Variants in TRPM3 observed in about 807,000 individuals in gnomAD.
TRPM3 encodes the protein transient receptor potential cation channel subfamily M member 3.
TRPM3 carries 77 observed loss-of-function variants against 181.2 expected under a neutral mutation model. The ratio of observed to expected loss-of-function variants is 0.42; its 90% CI spans 0.35 to 0.51. TRPM3 has a LOEUF of 0.51. Ranked by LOEUF, TRPM3 falls within the 20% of genes least tolerant of loss-of-function variation. The pLI is 0.01. For synonymous variants in TRPM3, 745 were observed against 796.4 expected, an observed-to-expected ratio of 0.94 and a Z score of 1.09; for missense variants, 1,759 against 2,196.7, an observed-to-expected ratio of 0.80 and a Z score of 3.98.
At position 71,008,071 on chromosome 9, in the gene TRPM3, T is replaced by C. The variant is rs925763000; in HGVS notation, c.177+113107A>G. On this transcript the variant is annotated intron_variant, in intron 1 of 25. Coordinates refer to ENST00000677713, the MANE Select transcript of TRPM3 (RefSeq NM_001366145.2). Reference sequence around the variant, plus strand: ...GAAAGAAGACACAAATAAATAAAACTAGAGATGAAGGAGACATTACAACTG... The same window carrying C: ...GAAAGAAGACACAAATAAATAAAACCAGAGATGAAGGAGACATTACAACTG... Among the ~76,000 whole-genome samples the C allele has an allele frequency of 8.6e-4, 130 of 151,786 alleles. 1 individual carries two copies. Among genetic ancestry groups the C allele is most frequent in the Non-Finnish European group, 3.1e-4 (21 of 67,886 alleles).
At chr9:70,790,325 A>G (rs1053158969) in intron 6 of TRPM3, among the ~76,000 whole-genome samples, 1 of 152,190 alleles carries the variant, frequency 6.6e-6, no homozygotes, top group Non-Finnish European at 1.5e-5. Context: ...TCACTTAAAA[A>G]GGGGATTTGC....
chr9:71,357,297 T>C (rs2091942424), intron 1 of TRPM3, among the ~76,000 whole-genome samples: 1 of 152,204 alleles, frequency 6.6e-6, no homozygotes, highest in Non-Finnish European at 1.5e-5. Context: ...TGTACAATTT[T>C]ATGTCAATTA....
At chr9:71,335,525 C>G (rs2090490842) in intron 1 of TRPM3, among the ~76,000 whole-genome samples, 1 of 152,016 alleles carries the variant, frequency 6.6e-6, no homozygotes, top group Non-Finnish European at 1.5e-5. Context: ...TGAGCATCTC[C>G]TCATCACTGA....
intron 18 of TRPM3, among the ~76,000 whole-genome samples, chr9:70,611,243 G>A (rs1295700706): frequency 6.6e-6 from 1 of 152,184 alleles, no homozygotes; most frequent in African/African-American, 2.4e-5. Context: ...ATTATCTGCT[G>A]TGCCTGCAAT....
At chr9:70,766,292 A>G (rs2079106878) in intron 7 of TRPM3, among the ~76,000 whole-genome samples, 1 of 152,146 alleles carries the variant, frequency 6.6e-6, no homozygotes, top group African/African-American at 2.4e-5. Context: ...ATACAAATAT[A>G]TTTCTCAGAA....
intron 1 of TRPM3, among the ~76,000 whole-genome samples, chr9:71,174,868 A>G (rs2077031402): frequency 6.6e-6 from 1 of 152,138 alleles, no homozygotes; most frequent in Non-Finnish European, 1.5e-5. Flanking sequence ...GAGAGAGGAC[A>G]GCGCACTTGA....
chr9:71,048,198 T>A (rs1175403189), intron 1 of TRPM3, among the ~76,000 whole-genome samples: 1 of 152,170 alleles, frequency 6.6e-6, no homozygotes, highest in Non-Finnish European at 1.5e-5. Flanking sequence ...GAGTATACAT[T>A]TTCATCATTC....
At chr9:71,032,708 T>C (rs2134713397) in intron 1 of TRPM3, among the ~76,000 whole-genome samples, 1 of 152,318 alleles carries the variant, frequency 6.6e-6, no homozygotes, top group East Asian at 1.9e-4. Context: ...AGACAATTTC[T>C]AGTGTGTCAG....
chr9:71,210,619 C>T (rs540134322), intron 1 of TRPM3, among the ~76,000 whole-genome samples: 1 of 152,250 alleles, frequency 6.6e-6, no homozygotes, highest in Middle Eastern at 3.4e-3. Flanking sequence ...GTTCTCTTTC[C>T]TATCAAACAA....
chr9:70,695,496 G>A (rs1203416301), intron 8 of TRPM3, among the ~76,000 whole-genome samples: 1 of 152,128 alleles, frequency 6.6e-6, no homozygotes, highest in Non-Finnish European at 1.5e-5. Flanking sequence ...CTGCTGGTCT[G>A]TCTTGTCCCT....
intron 1 of TRPM3, among the ~76,000 whole-genome samples, chr9:71,138,480 T>A (rs2074903446): frequency 6.6e-6 from 1 of 152,190 alleles, no homozygotes; most frequent in Non-Finnish European, 1.5e-5. Flanking sequence ...TCCAGGAGAT[T>A]TTTCAGTATA....
At chr9:70,787,110 T>C (rs958609995) in intron 6 of TRPM3, among the ~76,000 whole-genome samples, 5 of 152,220 alleles carry the variant, frequency 3.3e-5, no homozygotes, top group African/African-American at 1.2e-4. Flanking sequence ...GGTCAGTTTA[T>C]TCTCTGTCAA....
intron 12 of TRPM3, 143 bp downstream of exon 12, chr9:70,635,060 TACACACAC>T (rs5898155): frequency 7.3e-6 from 4 of 546,540 alleles, no homozygotes; most frequent in Admixed American, 6.7e-5. Flanking sequence ...AAAAGACACA[TACACACAC>T]ACACACACAC....
chr9:70,686,710 C>T lies in TRPM3; in HGVS notation c.1273-5132G>A, dbSNP rs187320732. On this transcript the variant is annotated intron_variant, in intron 8 of 25. Transcript: ENST00000677713. ...CTTTCCTTCCTTCCTTCCTTCCTTC[C>T]TTCCTTCCTTCCTTCCTTCCTTCCT... 9.1e-3 allele frequency among the ~76,000 whole-genome samples: 733 copies of T among 80,508 alleles called. 4 individuals carry two copies. Among genetic ancestry groups the T allele is most frequent in the African/African-American group, 0.028 (570 of 20,414 alleles). 52.8% of individuals were successfully genotyped at this position (80,508 alleles called of 152,430 possible).
chr9:70,828,896 C>T (rs946323395), intron 5 of TRPM3, among the ~76,000 whole-genome samples: 4 of 151,926 alleles, frequency 2.6e-5, no homozygotes, highest in African/African-American at 7.2e-5. Context: ...GAATTCATAC[C>T]CAGGACTGCC....
intron 1 of TRPM3, among the ~76,000 whole-genome samples, chr9:70,925,730 A>C (rs1167670392): frequency 6.6e-6 from 1 of 152,084 alleles, no homozygotes; most frequent in Non-Finnish European, 1.5e-5. Context: ...ATTTGATATT[A>C]ATATAGAAGA....
At chr9:71,125,114 T>A (rs1277969556), upstream of TRPM3, among the ~76,000 whole-genome samples, 1 of 152,188 alleles carries the variant, frequency 6.6e-6, no homozygotes, top group Non-Finnish European at 1.5e-5. Flanking sequence ...TTTGCTTCAG[T>A]GTTTTGTAGT....
intron 1 of TRPM3, among the ~76,000 whole-genome samples, chr9:70,898,914 G>A (rs1457147334): frequency 6.6e-6 from 1 of 152,158 alleles, no homozygotes; most frequent in Non-Finnish European, 1.5e-5. Context: ...GGGAATGAGG[G>A]TGGTTCAAAT....
chr9:70,893,573 T>G (rs2096242332), intron 1 of TRPM3, among the ~76,000 whole-genome samples: 1 of 152,146 alleles, frequency 6.6e-6, no homozygotes, highest in African/African-American at 2.4e-5. Flanking sequence ...CTAGTAGTAA[T>G]TTTGATGACT....
Sources: allele counts gnomAD v4.1 joint callset (sites outside exome capture counted in the v4.1 genomes callset), GRCh38; gene constraint gnomAD v4.1.1; transcripts MANE v1.5; gene names NCBI Gene and HGNC (gene_info 2026-07-23, HGNC 2026-07-21).